The following HMGCL variants were observed in gnomAD, a reference collection of about 807,000 sequenced individuals.
The protein encoded by HMGCL is hydroxymethylglutaryl-CoA lyase, mitochondrial.
Under a neutral mutation model 37.3 loss-of-function variants are expected in HMGCL, and 26 were observed. That is an observed-to-expected ratio of 0.70 (90% CI 0.51 to 0.97). The LOEUF is 0.97. Ranked by LOEUF, HMGCL falls within the 50% of genes least tolerant of loss-of-function variation. The probability of loss-of-function intolerance (pLI) is 0.00; values close to 1 mark genes in which losing one functional copy is unlikely to be tolerated. For missense variants in HMGCL, 379 were observed against 398.1 expected, an observed-to-expected ratio of 0.95 and a Z score of 0.41; for synonymous variants, 151 against 148.0, an observed-to-expected ratio of 1.02 and a Z score of -0.15.
chr1:23,803,040 C>T lies in HMGCL; in HGVS notation c.877-476G>A, dbSNP rs549209691. On this transcript the variant is annotated intron_variant, in intron 8 of 8. Transcript: ENST00000374490. ...TAAGCATTCTACATAACTTTTCTTT[C>T]TTTTTTTTTTTGGAGACAGAGTTTG... Among the ~76,000 whole-genome samples the T allele has an allele frequency of 7.2e-4, 106 of 147,506 alleles. 1 individual carries two copies. Among genetic ancestry groups the T allele is most frequent in the African/African-American group, 2.3e-3 (95 of 40,596 alleles).
chr1:23,823,854 A>T (rs537789062), intron 1 of HMGCL, among the ~76,000 whole-genome samples: 1 of 152,004 alleles, frequency 6.6e-6, no homozygotes, highest in African/African-American at 2.4e-5. Flanking sequence ...TGACAGAGCA[A>T]GACACCGTCT....
intron 2 of HMGCL, 78 bp from the exon 3 acceptor site, chr1:23,817,661 G>A: frequency 1.2e-6 from 1 of 860,164 alleles, no homozygotes; most frequent in East Asian, 2.4e-5. Flanking sequence ...GTTAGTTCAA[G>A]TACTATAGAT....
intron 4 of HMGCL, among the ~76,000 whole-genome samples, chr1:23,815,544 G>A (rs1638597105): frequency 6.6e-6 from 1 of 151,332 alleles, no homozygotes; most frequent in South Asian, 2.1e-4. Flanking sequence ...CACCCAGGCT[G>A]GAATGCAGTG....
In HMGCL at chr1:23,808,199, G is replaced by A. The variant is rs752913892; in HGVS notation, c.686C>T (p.Ala229Val). 6.2e-7 allele frequency: 1 copy of A among 1,614,074 alleles called. No individual in the cohort carries two copies. The highest frequency in any genetic ancestry group is 8.5e-7 in the Non-Finnish European group (1 of 1,179,980). Residue 229 changes from alanine to valine, a missense_variant, in exon 7 of 9, where the codon GCC becomes GTC. By Grantham distance (64) the Ala-to-Val change is moderately conservative. Transcript: ENST00000374490. Reference protein sequence around the residue: ...SAVMQEVPLAALAVHCHDTYG... With the variant: ...SAVMQEVPLAVLAVHCHDTYG... ...GGTGTCATGGCAGTGGACAGCCAGG[G>A]CAGCCAGAGGCACTTCCTGCATGAC...
rs1158294635 is a variant in HMGCL, at chr1:23,806,687, TTTA to T, written c.750+1445_750+1447del. On this transcript the variant is annotated intron_variant, in intron 7 of 8. Coordinates refer to ENST00000374490, the MANE Select transcript of HMGCL (RefSeq NM_000191.3). This position sits in a 1 kb window ranked among gnomAD's most constrained non-coding sequence, Gnocchi z 4.0. ...ACCTGGCCTGCTGTATGTTTGTTTA[TTTA>T]TTATCTGTCTCATAGTACTAGAGTG... 1.6e-5 allele frequency: 5 copies of T among 320,426 alleles called. No individual in the cohort carries two copies. The East Asian group carries it at 4.0e-4, about 26-fold the overall frequency. The allele number at this position is 320,426 out of a possible 1,614,324, so 19.8% of individuals were successfully genotyped here.
chr1:23,822,072 C>T (rs1401732510), intron 1 of HMGCL, among the ~76,000 whole-genome samples: 1 of 152,210 alleles, frequency 6.6e-6, no homozygotes, highest in Non-Finnish European at 1.5e-5. Context: ...GTCTCAACTC[C>T]ACTTCATCCC....
At chr1:23,815,079 C>A (rs770574455) in intron 4 of HMGCL, among the ~76,000 whole-genome samples, 1 of 151,950 alleles carries the variant, frequency 6.6e-6, no homozygotes, top group South Asian at 2.1e-4. Context: ...TGGTGGCACA[C>A]GCCTGTAGTC....
intron 4 of HMGCL, among the ~76,000 whole-genome samples, chr1:23,815,931 CTT>C (rs937565765): frequency 7.0e-6 from 1 of 142,000 alleles, no homozygotes; most frequent in Non-Finnish European, 1.5e-5. Context: ...TGAGAAAAAG[CTT>C]TTTTTTTTTT....
intron 6 of HMGCL, among the ~76,000 whole-genome samples, chr1:23,808,679 G>A (rs895737820): frequency 4.0e-5 from 6 of 151,342 alleles, no homozygotes; most frequent in Middle Eastern, 3.5e-3. Context: ...CTTCCATGTC[G>A]TTTTATCCTC....
At chr1:23,815,737 C>T (rs368463887) in intron 4 of HMGCL, among the ~76,000 whole-genome samples, 99 of 151,864 alleles carry the variant, frequency 6.5e-4, no homozygotes, top group African/African-American at 2.0e-3. Context: ...CCTCATGATC[C>T]GCCCGCCCTG....
intron 7 of HMGCL, 86 bp downstream of exon 7, chr1:23,808,049 A>C: frequency 7.9e-7 from 1 of 1,266,404 alleles, no homozygotes; most frequent in Non-Finnish European, 1.2e-6. Flanking sequence ...TACTGGCATC[A>C]GTAAATGTTT....
At chr1:23,814,148 A>G in intron 5 of HMGCL, 42 bp downstream of exon 5, 3 of 1,610,204 alleles carry the variant, frequency 1.9e-6, no homozygotes, top group Non-Finnish European at 2.5e-6. Flanking sequence ...GCCCCATTCC[A>G]GAACGGTACA....
chr1:23,825,309 G>A (rs1415382785), intron 1 of HMGCL, 47 bp downstream of exon 1: 8 of 1,479,608 alleles, frequency 5.4e-6, no homozygotes, highest in Non-Finnish European at 6.5e-6. Flanking sequence ...AACCCTGACA[G>A]TCAGAGTGCC....
chr1:23,804,258 G>A (rs1458345590), intron 8 of HMGCL, 142 bp downstream of exon 8: 8 of 957,926 alleles, frequency 8.4e-6, no homozygotes, highest in Non-Finnish European at 1.3e-5. Flanking sequence ...TTACAGGCAT[G>A]AGCCACTGCG....
chr1:23,819,923 G>C lies in HMGCL; in HGVS notation c.144+587C>G, dbSNP rs189320052. Among the ~76,000 whole-genome samples, 83 of 152,088 alleles carry C rather than the reference G, an allele frequency of 5.5e-4. 2 individuals carry two copies. The East Asian group carries it at 0.015, about 28-fold the overall frequency. ...CTTTATATATACCTATGTTATTAATGGCTTCATAATATTTCATTTTATAAA... is the reference window on the plus strand; with the variant it reads ...CTTTATATATACCTATGTTATTAATCGCTTCATAATATTTCATTTTATAAA... On this transcript the variant is annotated intron_variant, in intron 2 of 8. Coordinates refer to ENST00000374490, the MANE Select transcript of HMGCL (RefSeq NM_000191.3).
chr1:23,812,890 T>A (rs976122293), intron 5 of HMGCL, among the ~76,000 whole-genome samples: 1 of 151,586 alleles, frequency 6.6e-6, no homozygotes, highest in Non-Finnish European at 1.5e-5. Flanking sequence ...TTGTGGGGTT[T>A]TTTTGGTTTT....
rs1249676723 is a variant in HMGCL at position 23,806,071 on chromosome 1, C to A, written c.751-1546G>T. 6.6e-6 allele frequency among the ~76,000 whole-genome samples: 1 copy of A among 152,144 alleles called. No individual in the cohort carries two copies. Among genetic ancestry groups the A allele is most frequent in the Non-Finnish European group, 1.5e-5 (1 of 68,032 alleles). On this transcript the variant is annotated intron_variant, in intron 7 of 8. Coordinates refer to ENST00000374490, the MANE Select transcript of HMGCL (RefSeq NM_000191.3). This position sits in a 1 kb window ranked among gnomAD's most constrained non-coding sequence, Gnocchi z 4.0. ...GGCTCAAGTGATTCTCATGCCTCAGCCTCGCAAATAGCTGGGATTACAGGC... is the reference window on the plus strand; with the variant it reads ...GGCTCAAGTGATTCTCATGCCTCAGACTCGCAAATAGCTGGGATTACAGGC...
chr1:23,819,671 G>A lies in HMGCL; in HGVS notation c.144+839C>T, dbSNP rs1638675909. On this transcript the variant is annotated intron_variant, in intron 2 of 8. Coordinates refer to ENST00000374490, the MANE Select transcript of HMGCL (RefSeq NM_000191.3). ...TTGAACCCGGGAGGAGGAGGTTGAG[G>A]TGAGCCGAGATTGCGCCATTGCACT... 2.6e-5 allele frequency among the ~76,000 whole-genome samples: 4 copies of A among 152,282 alleles called. No individual in the cohort carries two copies. The South Asian group carries it at 8.3e-4, about 32-fold the overall frequency.
At chr1:23,804,313 C>G in intron 8 of HMGCL, 87 bp downstream of exon 8, 1 of 1,543,788 alleles carries the variant, frequency 6.5e-7, no homozygotes, top group Non-Finnish European at 8.9e-7. Flanking sequence ...CCTTAACAAC[C>G]CCAAATACCC....
Sources: allele counts gnomAD v4.1 joint callset (sites outside exome capture counted in the v4.1 genomes callset), GRCh38; gene constraint gnomAD v4.1.1; non-coding constraint Gnocchi (gnomAD v3.1); transcripts MANE v1.5; gene names NCBI Gene and HGNC (gene_info 2026-07-23, HGNC 2026-07-21).